RNFT1: variants seen among roughly 807,000 people sequenced by gnomAD.
RNFT1 encodes E3 ubiquitin-protein ligase RNFT1.
RNFT1 carries 35 observed loss-of-function variants against 53.2 expected under a neutral mutation model. The observed-to-expected ratio is 0.66, with a 90% CI of 0.50 to 0.87. The LOEUF is 0.87. Ranked by LOEUF, RNFT1 falls within the 40% of genes least tolerant of loss-of-function variation. The probability of loss-of-function intolerance (pLI) is 0.00; values close to 1 mark genes in which losing one functional copy is unlikely to be tolerated. For synonymous variants in RNFT1, 141 were observed against 172.8 expected (o/e 0.82, Z 1.44); for missense variants, 421 against 515.0 (o/e 0.82, Z 1.77).
At chr17:59,962,320 A>T (rs1214391791) in intron 3 of RNFT1, 3 of 440,548 alleles carry the variant, frequency 6.8e-6, no homozygotes, top group Non-Finnish European at 1.2e-5. Context: ...ACAGTAACCA[A>T]TTTTTTTTTC....
At chr17:59,961,867 G>A (rs2045294554) in intron 3 of RNFT1, among the ~76,000 whole-genome samples, 1 of 145,518 alleles carries the variant, frequency 6.9e-6, no homozygotes, top group African/African-American at 2.6e-5. Context: ...GTGAGCCCCT[G>A]TGCCTGGCCC....
intron 7 of RNFT1, among the ~76,000 whole-genome samples, chr17:59,955,832 GACCACAC>G (rs2045251090): frequency 6.6e-6 from 1 of 152,124 alleles, no homozygotes; most frequent in African/African-American, 2.4e-5. Flanking sequence ...GAAGTCTGCT[GACCACAC>G]ATAGGTACTA....
intron 8 of RNFT1, among the ~76,000 whole-genome samples, chr17:59,953,358 G>A (rs777065627): frequency 2.8e-4 from 43 of 151,902 alleles, no homozygotes; most frequent in Non-Finnish European, 6.2e-4. Context: ...CCACCACCAT[G>A]CCCAGCTAGT....
chr17:59,958,810 C>T (rs2045269702), intron 4 of RNFT1: 2 of 361,596 alleles, frequency 5.5e-6, no homozygotes, highest in Non-Finnish European at 1.1e-5. Flanking sequence ...TCAAGATCAT[C>T]AACTCCCTCT....
chr17:59,960,654 A>G (rs1227038687), intron 3 of RNFT1, among the ~76,000 whole-genome samples: 4 of 151,834 alleles, frequency 2.6e-5, no homozygotes, highest in Non-Finnish European at 4.4e-5. Flanking sequence ...TACTAAAAAA[A>G]GTACAAAAGT....
At chr17:59,958,743 G>A (rs1419116370) in intron 4 of RNFT1, 8 of 457,968 alleles carry the variant, frequency 1.7e-5, no homozygotes, top group Middle Eastern at 3.2e-4. Context: ...CATCTGCTGT[G>A]TTTTTCTTAA....
Position 59,956,531 on chromosome 17 carries a change from A to C in RNFT1, c.1028T>G (p.Leu343Arg). 6.2e-7 allele frequency: 1 copy of C among 1,612,828 alleles called. No individual in the cohort carries two copies. Among genetic ancestry groups the C allele is most frequent in the Admixed American group, 1.7e-5 (1 of 59,912 alleles). The change falls in exon 7 of 9, where the codon CTG (leucine) becomes CGG (arginine). Residue 343 changes from leucine (L) to arginine (R), a missense_variant. Transcript: ENST00000305783. ...TCGTAAAACCTGTCTGAAAGTTCTC[A>C]GATGCCCAAAAAATTCCAAAAGCTG... ...ILKLLEFFGH[L>R]RTFRQVLRIF...
intron 1 of RNFT1, 53 bp from the exon 2 acceptor site, chr17:59,963,337 A>G: frequency 6.9e-7 from 1 of 1,450,036 alleles, no homozygotes; most frequent in Non-Finnish European, 9.4e-7. Flanking sequence ...AAATACCAGC[A>G]GTATATTCCT....
At position 59,956,549 on chromosome 17, in the gene RNFT1, A is replaced by C. The variant is rs1568542798; in HGVS notation, c.1010T>G (p.Leu337Trp). 24 of 1,611,786 alleles carry C rather than the reference A, an allele frequency of 1.5e-5. No individual in the cohort carries two copies. Among genetic ancestry groups the C allele is most frequent in the Non-Finnish European group, 2.0e-5 (23 of 1,178,552 alleles). The change falls in exon 7 of 9, where the codon TTG becomes TGG. Residue 337 changes from leucine to tryptophan, a missense_variant. By Grantham distance (61) the Leu-to-Trp change is moderately conservative (BLOSUM62 -2). Transcript: ENST00000305783. The stretch of plus-strand genomic sequence containing the variant: ...AGTTCTCAGATGCCCAAAAAATTCC[A>C]AAAGCTGAAAAGAGAAATAAGAGAT... Reference protein sequence around the residue: ...LALLYLILKLLEFFGHLRTFR... With the variant: ...LALLYLILKLWEFFGHLRTFR...
At chr17:59,958,952 G>A (rs2045270578) in intron 4 of RNFT1, among the ~76,000 whole-genome samples, 1 of 151,942 alleles carries the variant, frequency 6.6e-6, no homozygotes, top group African/African-American at 2.4e-5. Context: ...CTCCTTTGCT[G>A]TTTCTCTTCT....
chr17:59,963,731 GA>G (rs374226039), intron 1 of RNFT1, among the ~76,000 whole-genome samples: 1 of 150,294 alleles, frequency 6.7e-6, no homozygotes, highest in Non-Finnish European at 1.5e-5. Context: ...GAAATGTTAG[GA>G]AAAAAAACAA....
At chr17:59,964,249 C>A (rs1200710261) in intron 1 of RNFT1, among the ~76,000 whole-genome samples, 2 of 152,148 alleles carry the variant, frequency 1.3e-5, no homozygotes, top group East Asian at 3.9e-4. Context: ...TATTTCACTC[C>A]CAGGACTGAA....
At position 59,958,256 on chromosome 17, in the gene RNFT1, A is replaced by G. The variant is rs765283827; in HGVS notation, c.846+35T>C. 8 of 1,552,268 alleles carry G rather than the reference A, an allele frequency of 5.2e-6. No individual in the cohort carries two copies. In the South Asian group the frequency reaches 1.0e-4, roughly 19 times the overall value. ...TAAATAGCATTAATGTGATTCGATA[A>G]CATCACTCCAATAAAGCATAAGTGA... On this transcript the variant is annotated intron_variant, in intron 5 of 8. Transcript: ENST00000305783.
Position 59,958,323 on chromosome 17 carries a change from C to T in RNFT1, c.814G>A (p.Val272Met), listed in dbSNP as rs1434672946. 5.6e-6 allele frequency: 9 copies of T among 1,596,760 alleles called. No individual in the cohort carries two copies. Among genetic ancestry groups the T allele is most frequent in the Middle Eastern group, 1.8e-4 (1 of 5,554 alleles). ...TTAAAAGGCATGATGAAAGAAGGCA[C>T]CAATAAAATAAGGCATTTTAAGCCC... ...FMGLKCLILL[V>M]PSFIMPFKSK... is the part of the protein sequence containing the mutation. The change falls in exon 5 of 9, where the codon GTG becomes ATG. Residue 272 changes from valine (V) to methionine (M), a missense_variant. Transcript: ENST00000305783.
At chr17:59,953,523 T>A (rs2045235056) in intron 8 of RNFT1, among the ~76,000 whole-genome samples, 1 of 152,188 alleles carries the variant, frequency 6.6e-6, no homozygotes, top group African/African-American at 2.4e-5. Context: ...TGAAGAGCAC[T>A]AATCCCCTCA....
Position 59,963,242 on chromosome 17 carries a change from C to G in RNFT1, c.99G>C (p.Lys33Asn), listed in dbSNP as rs2045309134. ...GATTGGCTTGCATGGCCCTTAAATACTTTTTCTCTGACCCAGATGTCTTTG... is the reference window on the plus strand; with the variant it reads ...GATTGGCTTGCATGGCCCTTAAATAGTTTTTCTCTGACCCAGATGTCTTTG... ...PEAKTSGSEK[K>N]YLRAMQANRS... The change falls in exon 2 of 9, where the codon AAG (lysine) becomes AAC (asparagine). Residue 33 changes from lysine (K) to asparagine (N), a missense_variant. Coordinates refer to ENST00000305783, the MANE Select transcript of RNFT1 (RefSeq NM_016125.4). The G allele has an allele frequency of 1.9e-6, 3 of 1,612,926 alleles. No individual in the cohort carries two copies. Among genetic ancestry groups the G allele is most frequent in the African/African-American group, 2.7e-5 (2 of 74,904 alleles).
intron 8 of RNFT1, 119 bp from the exon 9 acceptor site, chr17:59,953,230 C>G (rs995519034): frequency 2.5e-6 from 2 of 808,192 alleles, no homozygotes; most frequent in East Asian, 2.8e-5. Flanking sequence ...AAGTCTTGCT[C>G]TGTCACCCAG....
At chr17:59,956,861 A>G (rs1047571783) in intron 6 of RNFT1, among the ~76,000 whole-genome samples, 9 of 152,156 alleles carry the variant, frequency 5.9e-5, no homozygotes, top group African/African-American at 1.4e-4. Flanking sequence ...TCATAAAGTG[A>G]TTATTAGGTT....
Position 59,963,227 on chromosome 17 carries a change from C to T in RNFT1, c.114G>A (p.Met38Ile). Residue 38 changes from methionine to isoleucine, a missense_variant, in exon 2 of 9, where the codon ATG (methionine) becomes ATA (isoleucine). Physicochemically the swap from Met to Ile is conservative, Grantham distance 10. Transcript: ENST00000305783. ...TGTGCAGTTGGCTACGATTGGCTTG[C>T]ATGGCCCTTAAATACTTTTTCTCTG... Reference protein sequence around the residue: ...SGSEKKYLRAMQANRSQLHSP... With the variant: ...SGSEKKYLRAIQANRSQLHSP... The T allele has an allele frequency of 6.2e-7, 1 of 1,613,950 alleles. No individual in the cohort carries two copies. Among genetic ancestry groups the T allele is most frequent in the Non-Finnish European group, 8.5e-7 (1 of 1,180,018 alleles).
Sources: gnomAD v4.1 joint callset for allele counts (sites outside exome capture counted in the v4.1 genomes callset) on GRCh38, gnomAD v4.1.1 for gene constraint, MANE v1.5 for transcripts, NCBI Gene and HGNC (gene_info 2026-07-23, HGNC 2026-07-21) for gene names.